Variants in FGF14 observed in about 807,000 individuals in gnomAD.
FGF14 encodes fibroblast growth factor 14.
FGF14 carries 5 observed loss-of-function variants against 25.5 expected under a neutral mutation model. That is an observed-to-expected ratio of 0.20 (90% CI 0.10 to 0.41). The LOEUF (loss-of-function observed/expected upper bound fraction) is 0.41, where lower values mean the gene tolerates loss of function less well. FGF14 is among the 10% of genes least tolerant of loss of function. The pLI, the probability that FGF14 is intolerant of heterozygous loss-of-function variation, is 1.00. For missense variants in FGF14, 222 were observed against 320.1 expected (o/e 0.69, Z 2.34); for synonymous variants, 138 against 118.3 (o/e 1.17, Z -1.08).
intron 3 of FGF14, among the ~76,000 whole-genome samples, chr13:101,857,782 T>C (rs2044202178): frequency 6.6e-6 from 1 of 151,990 alleles, no homozygotes; most frequent in Non-Finnish European, 1.5e-5. Flanking sequence ...CATATTACCA[T>C]AAAAATGTGG....
intron 1 of FGF14, among the ~76,000 whole-genome samples, chr13:102,296,392 G>A (rs140402631): frequency 2.6e-4 from 39 of 152,240 alleles, no homozygotes; most frequent in Admixed American, 7.9e-4. Context: ...TCTGCACACC[G>A]TATTGGAATC....
At chr13:102,246,053 G>A (rs537733891) in intron 1 of FGF14, among the ~76,000 whole-genome samples, 2 of 152,066 alleles carry the variant, frequency 1.3e-5, no homozygotes, top group Non-Finnish European at 2.9e-5. Flanking sequence ...TGTGATAGGT[G>A]GACATTTTCA....
chr13:101,840,393 T>A (rs2043139915), intron 3 of FGF14, among the ~76,000 whole-genome samples: 1 of 151,832 alleles, frequency 6.6e-6, no homozygotes, highest in Non-Finnish European at 1.5e-5. Context: ...ATTTCTCAGT[T>A]ACTTAAAACA....
At chr13:102,249,604 T>G (rs2052067040) in intron 1 of FGF14, among the ~76,000 whole-genome samples, 2 of 151,518 alleles carry the variant, frequency 1.3e-5, no homozygotes, top group African/African-American at 4.9e-5. Context: ...GCATGCACAT[T>G]TGAGGGTATC....
rs35113785 is a variant in FGF14, at chr13:102,095,977, T to TTGTG, written c.209-220685_209-220682dup. 2.2e-3 allele frequency among the ~76,000 whole-genome samples: 317 copies of TTGTG among 142,726 alleles called. 4 individuals are homozygous for TTGTG. The highest frequency in any genetic ancestry group is 0.011 in the East Asian group (52 of 4,932). The allele number at this position is 142,726 out of a possible 152,430, so 93.6% of individuals were successfully genotyped here. A position where few individuals can be genotyped will look rare whatever the true frequency, so the allele number is the denominator to read the frequency against. ...TCAACTGTACATATTTAAATACAAT[T>TTGTG]TGTGTGTGTGTGTGTGTGTGTGTGT... On this transcript the variant is annotated intron_variant, in intron 1 of 4. Coordinates refer to the FGF14 transcript ENST00000376131.
rs2057640693 is a variant in FGF14 at position 102,364,056 on chromosome 13, G to C, written c.208+37415C>G. ...CAATTTTAGATCATTTGGGTACCCA[G>C]GTACGTGGTTGTGGATCTGAAGGAA... On this transcript the variant is annotated intron_variant, in intron 1 of 4. Transcript: ENST00000376131. Among the ~76,000 whole-genome samples, 7 of 152,204 alleles carry C rather than the reference G, an allele frequency of 4.6e-5. No homozygotes were observed. The South Asian group carries it at 1.4e-3, about 32-fold the overall frequency.
chr13:101,796,046 A>C (rs2140112040), intron 3 of FGF14, among the ~76,000 whole-genome samples: 1 of 152,256 alleles, frequency 6.6e-6, no homozygotes, highest in Non-Finnish European at 1.5e-5. Flanking sequence ...ATATGTCCAA[A>C]GTATATGGCA....
intron 3 of FGF14, among the ~76,000 whole-genome samples, chr13:101,847,621 G>A (rs1233022915): frequency 6.6e-6 from 1 of 152,050 alleles, no homozygotes; most frequent in Admixed American, 6.6e-5. Context: ...TTCTGTTGAA[G>A]ACTTCATACC....
At chr13:101,962,047 C>CTT (rs34924382) in intron 1 of FGF14, among the ~76,000 whole-genome samples, 15,755 of 151,470 alleles carry the variant, frequency 0.1, 930 homozygotes, top group Admixed American at 0.2. Flanking sequence ...TTTATACAGG[C>CTT]TTTTTTTTGG....
chr13:101,990,029 T>C (rs1235065947), intron 1 of FGF14, among the ~76,000 whole-genome samples: 1 of 152,140 alleles, frequency 6.6e-6, no homozygotes, highest in East Asian at 1.9e-4. Flanking sequence ...AACTTTTTGT[T>C]TGGAAATAAC....
intron 1 of FGF14, among the ~76,000 whole-genome samples, chr13:102,329,836 C>T (rs973061235): frequency 5.3e-5 from 8 of 152,196 alleles, no homozygotes; most frequent in East Asian, 1.9e-4. Flanking sequence ...ATGGCCCTTA[C>T]GCACCCCCAC....
At chr13:101,897,364 C>T (rs2138949888) in intron 1 of FGF14, among the ~76,000 whole-genome samples, 1 of 152,280 alleles carries the variant, frequency 6.6e-6, no homozygotes, top group South Asian at 2.1e-4. Flanking sequence ...TGTGGAAGAG[C>T]TCTGCAAATA....
intron 1 of FGF14, among the ~76,000 whole-genome samples, chr13:102,120,390 G>C (rs537655204): frequency 2.6e-5 from 4 of 152,192 alleles, no homozygotes; most frequent in Non-Finnish European, 5.9e-5. Flanking sequence ...TCATGTCAGC[G>C]TCATGAGTAG....
chr13:101,921,356 T>C (rs1450783168), upstream of FGF14, among the ~76,000 whole-genome samples: 1 of 152,206 alleles, frequency 6.6e-6, no homozygotes, highest in Non-Finnish European at 1.5e-5. Flanking sequence ...TAGGTAAGTG[T>C]CTCATGCTTA....
chr13:102,342,661 A>G (rs146487959), intron 1 of FGF14, among the ~76,000 whole-genome samples: 129 of 152,288 alleles, frequency 8.5e-4, no homozygotes, highest in Middle Eastern at 3.4e-3. Flanking sequence ...CTCAAGGAAC[A>G]AAATAACAGA....
intron 1 of FGF14, among the ~76,000 whole-genome samples, chr13:102,151,866 AATATTT>A (rs2047103613): frequency 1.3e-5 from 2 of 152,186 alleles, no homozygotes; most frequent in Non-Finnish European, 2.9e-5. Flanking sequence ...ATACTTACAT[AATATTT>A]ATATTTATGT....
intron 1 of FGF14, among the ~76,000 whole-genome samples, chr13:102,069,505 G>A (rs1046225163): frequency 6.6e-6 from 1 of 152,114 alleles, no homozygotes; most frequent in African/African-American, 2.4e-5. Context: ...CTCACTCTTT[G>A]GGTCCACGCT....
intron 1 of FGF14, among the ~76,000 whole-genome samples, chr13:102,153,677 T>C (rs1240135031): frequency 5.9e-5 from 9 of 152,222 alleles, no homozygotes; most frequent in South Asian, 2.1e-4. Flanking sequence ...AAGTGCATTA[T>C]ATTATTTTTC....
intron 1 of FGF14, among the ~76,000 whole-genome samples, chr13:102,255,742 G>GA (rs35667464): frequency 6.6e-6 from 1 of 152,216 alleles, no homozygotes; most frequent in East Asian, 1.9e-4. Context: ...TATGCTGGCA[G>GA]AAAAAAAGGT....
Sources: gnomAD v4.1 joint callset for allele counts (sites outside exome capture counted in the v4.1 genomes callset) on GRCh38, gnomAD v4.1.1 for gene constraint, MANE v1.5 for transcripts, NCBI Gene and HGNC (gene_info 2026-07-23, HGNC 2026-07-21) for gene names.